C4orf54: variants seen among roughly 807,000 people sequenced by gnomAD.
The protein encoded by C4orf54 is uncharacterized protein C4orf54.
A neutral mutation model predicts 80.1 loss-of-function variants in C4orf54; 67 were observed. The ratio of observed to expected loss-of-function variants is 0.84; its 90% CI spans 0.69 to 1.03. The LOEUF is 1.03. Among genes scored for constraint, C4orf54 ranks in the 50% least tolerant of loss-of-function variants. C4orf54 has a pLI of 0.00. For synonymous variants in C4orf54, 1,000 were observed against 917.0 expected, an observed-to-expected ratio of 1.09 and a Z score of -1.64; for missense variants, 2,434 against 2,253.5, an observed-to-expected ratio of 1.08 and a Z score of -1.62.
chr4:99,643,839 A>G (rs1726653219), intron 2 of C4orf54, among the ~76,000 whole-genome samples: 1 of 150,110 alleles, frequency 6.7e-6, no homozygotes, highest in African/African-American at 2.4e-5. Flanking sequence ...TTTCCTCTGA[A>G]TGAAACAGAA....
rs1473799067 is a variant in C4orf54 at position 99,651,187 on chromosome 4, T to C, written c.3462A>G (p.Thr1154=). ...GSGSLSPMVI[T]CQAVVNQRED... ...CCCTCTGGTTCACTACAGCCTGGCA[T>C]GTAATCACCATGGGGGACAGGGATC... The change falls in exon 2 of 3, where the codon ACA becomes ACG. Residue 1154 remains threonine (T), a synonymous_variant. Transcript: ENST00000511828. 2.0e-6 allele frequency: 3 copies of C among 1,536,170 alleles called. No homozygotes were observed. The East Asian group carries it at 7.3e-5, about 38-fold the overall frequency.
In C4orf54 at chr4:99,640,681, T is replaced by A. The variant is rs1360468462; in HGVS notation, c.*552A>T. The A allele has an allele frequency of 6.6e-6, 1 of 152,110 alleles. No homozygotes were observed. The highest frequency in any genetic ancestry group is 1.5e-5 in the Non-Finnish European group (1 of 68,012). 9.4% of individuals were successfully genotyped at this position (152,110 alleles called of 1,614,324 possible). A position where few individuals can be genotyped will look rare whatever the true frequency, so the allele number is the denominator to read the frequency against. On this transcript the variant is annotated 3_prime_UTR_variant, in exon 3 of 3. Coordinates refer to ENST00000511828, the MANE Select transcript of C4orf54 (RefSeq NM_001354435.2). ...AACATATAGAGCATAACCAAGAGAATGGGTAGGTTTGGCTGATATATGATT... is the reference window on the plus strand; with the variant it reads ...AACATATAGAGCATAACCAAGAGAAAGGGTAGGTTTGGCTGATATATGATT...
At position 99,653,441 on chromosome 4, in the gene C4orf54, A is replaced by G. The variant is rs769907501; in HGVS notation, c.1208T>C (p.Phe403Ser). 1 of 1,536,156 alleles carries G rather than the reference A, an allele frequency of 6.5e-7. No individual in the cohort carries two copies. Among genetic ancestry groups the G allele is most frequent in the Non-Finnish European group, 8.7e-7 (1 of 1,146,900 alleles). ...GCCACCAAAGGAAGCATAATCCACGAACGAGTAGATCACGTTGTTGTCCTC... is the reference window on the plus strand; with the variant it reads ...GCCACCAAAGGAAGCATAATCCACGGACGAGTAGATCACGTTGTTGTCCTC... Reference protein sequence around the residue: ...DFEDNNVIYSFVDYASFGGSD... With the variant: ...DFEDNNVIYSSVDYASFGGSD... The change falls in exon 2 of 3, where the codon TTC becomes TCC. Residue 403 changes from phenylalanine (F) to serine (S), a missense_variant. By Grantham distance (155) the Phe-to-Ser change is radical. Coordinates refer to ENST00000511828, the MANE Select transcript of C4orf54 (RefSeq NM_001354435.2).
At chr4:99,643,792 A>ACCCCCCCCCC (rs10714195) in intron 2 of C4orf54, among the ~76,000 whole-genome samples, 1 of 98,862 alleles carries the variant, frequency 1.0e-5, no homozygotes, top group Non-Finnish European at 2.0e-5. Flanking sequence ...ACACACACAC[A>ACCCCCCCCCC]CCCCCTCCGC....
Position 99,650,900 on chromosome 4 carries a change from G to A in C4orf54, c.3749C>T (p.Ala1250Val), listed in dbSNP as rs867065180. 2.6e-6 allele frequency: 4 copies of A among 1,536,156 alleles called. No homozygotes were observed. Among genetic ancestry groups the A allele is most frequent in the Non-Finnish European group, 3.5e-6 (4 of 1,146,920 alleles). ...VKEEGKATKP[A>V]RNALEKLTAA... ...AGTCAGCTTCTCCAGGGCATTCCGG[G>A]CTGGCTTCGTGGCTTTCCCTTCCTC... Residue 1250 changes from alanine (A) to valine (V), a missense_variant, in exon 2 of 3, where the codon GCC becomes GTC. Coordinates refer to ENST00000511828, the MANE Select transcript of C4orf54 (RefSeq NM_001354435.2).
rs1167178179 is a variant in C4orf54 at position 99,652,951 on chromosome 4, C to A, written c.1698G>T (p.Ser566=). ...CTGCTGCAGCCGGGTTTTGCTTCAG[C>A]GAACTTGAATTGTGTTCAGCAGCTG... ...VSTAAEHNSS[S]LKQNPAAAVA... Residue 566 remains serine, a synonymous_variant, in exon 2 of 3, where the codon TCG becomes TCT. Transcript: ENST00000511828. 2.6e-6 allele frequency: 4 copies of A among 1,536,162 alleles called. No individual in the cohort carries two copies. Among genetic ancestry groups the A allele is most frequent in the South Asian group, 1.2e-5 (1 of 84,062 alleles).
Position 99,638,663 on chromosome 4 carries a change from A to C in C4orf54, c.*2570T>G, listed in dbSNP as rs1726551528. 1 of 152,154 alleles carries C rather than the reference A, an allele frequency of 6.6e-6. No homozygotes were observed. The highest frequency in any genetic ancestry group is 2.4e-5 in the African/African-American group (1 of 41,446). The allele number at this position is 152,154 out of a possible 1,614,324, so 9.4% of individuals were successfully genotyped here. ...TTGATTCCCCTTGAGCTATAAAAGGAAGGGTATATCACTTCATTCAAATAT... is the reference window on the plus strand; with the variant it reads ...TTGATTCCCCTTGAGCTATAAAAGGCAGGGTATATCACTTCATTCAAATAT... On this transcript the variant is annotated 3_prime_UTR_variant, in exon 3 of 3. Transcript: ENST00000511828.
intron 2 of C4orf54, among the ~76,000 whole-genome samples, chr4:99,644,715 T>C (rs1726669808): frequency 6.6e-6 from 1 of 150,720 alleles, no homozygotes. Context: ...CACCCAGTCC[T>C]ACCCTTTAAG....
At position 99,653,774 on chromosome 4, in the gene C4orf54, G is replaced by C. The variant is rs1280854125; in HGVS notation, c.875C>G (p.Ser292Cys). 1.1e-5 allele frequency: 17 copies of C among 1,536,022 alleles called. No homozygotes were observed. The South Asian group carries it at 2.0e-4, about 18-fold the overall frequency. The change falls in exon 2 of 3, where the codon TCC becomes TGC. Residue 292 changes from serine (S) to cysteine (C), a missense_variant. Transcript: ENST00000511828. ...GLSKMEDSTT[S>C]TGALATSSSS... The stretch of plus-strand genomic sequence containing the variant: ...AGAGGAGGTGGCCAGAGCCCCTGTG[G>C]ATGTGGTGGAGTCCTCCATTTTGGA...
rs543067016 is a variant in C4orf54, at chr4:99,637,478, T to C, written c.*3755A>G. ...ATTAGATTCAAGCTTAAGGCACCAATTAGCAAGTGCTACATGCTTTATTAA... is the reference window on the plus strand; with the variant it reads ...ATTAGATTCAAGCTTAAGGCACCAACTAGCAAGTGCTACATGCTTTATTAA... On this transcript the variant is annotated 3_prime_UTR_variant, in exon 3 of 3. Transcript: ENST00000511828. The C allele has an allele frequency of 2.0e-5, 3 of 152,294 alleles. No homozygotes were observed. In the South Asian group the frequency reaches 6.2e-4, roughly 32 times the overall value. The allele number at this position is 152,294 out of a possible 1,614,324, so 9.4% of individuals were successfully genotyped here.
rs772238363 is a variant in C4orf54, at chr4:99,650,530, G to A, written c.4119C>T (p.Pro1373=). The A allele has an allele frequency of 6.5e-7, 1 of 1,536,072 alleles. No homozygotes were observed. The change falls in exon 2 of 3, where the codon CCC becomes CCT. Residue 1373 remains proline (P), a synonymous_variant. Transcript: ENST00000511828. ...TTCTCTCTACATCCTTGTGGACTGG[G>A]GGAATATAGAGAGATCGGGGTCTTT... ...ARERPRSLYI[P]PVHKDVERTQ... is the part of the protein sequence containing the mutation.
At position 99,638,152 on chromosome 4, in the gene C4orf54, T is replaced by C. The variant is rs770051815; in HGVS notation, c.*3081A>G. ...AGGATGTATTAGAAATGCATGTCAATAGTTGAGATTTGTTATAAAGATATA... is the reference window on the plus strand; with the variant it reads ...AGGATGTATTAGAAATGCATGTCAACAGTTGAGATTTGTTATAAAGATATA... On this transcript the variant is annotated 3_prime_UTR_variant, in exon 3 of 3. Transcript: ENST00000511828. The C allele has an allele frequency of 2.6e-5, 4 of 152,106 alleles. No individual in the cohort carries two copies. The highest frequency in any genetic ancestry group is 5.9e-5 in the Non-Finnish European group (4 of 67,978). The allele number at this position is 152,106 out of a possible 1,614,324, so 9.4% of individuals were successfully genotyped here. A position where few individuals can be genotyped will look rare whatever the true frequency, so the allele number is the denominator to read the frequency against.
Position 99,652,262 on chromosome 4 carries a change from G to A in C4orf54, c.2387C>T (p.Pro796Leu). The A allele has an allele frequency of 6.5e-7, 1 of 1,535,894 alleles. No homozygotes were observed. The highest frequency in any genetic ancestry group is 8.7e-7 in the Non-Finnish European group (1 of 1,146,796). The change falls in exon 2 of 3, where the codon CCC (proline) becomes CTC (leucine). Residue 796 changes from proline (P) to leucine (L), a missense_variant. Transcript: ENST00000511828. ...DGSETSEGSK[P>L]TSRADGPQKS... ...CTGGGGGCCATCGGCGCGGGAGGTGGGCTTGCTGCCCTCGGAGGTCTCGGA... is the reference window on the plus strand; with the variant it reads ...CTGGGGGCCATCGGCGCGGGAGGTGAGCTTGCTGCCCTCGGAGGTCTCGGA...
Position 99,651,227 on chromosome 4 carries a change from G to A in C4orf54, c.3422C>T (p.Ala1141Val), listed in dbSNP as rs1298432111. Residue 1141 changes from alanine to valine, a missense_variant, in exon 2 of 3, where the codon GCA (alanine) becomes GTA (valine). Ala to Val is a moderately conservative substitution (Grantham distance 64, BLOSUM62 0). Transcript: ENST00000511828. ...GGACAGGGATCCAGATCCGCCAGCTGCTGCAGACAGCTGCCTGGGTTTGGG... is the reference window on the plus strand; with the variant it reads ...GGACAGGGATCCAGATCCGCCAGCTACTGCAGACAGCTGCCTGGGTTTGGG... ...TGPKPRQLSA[A>V]AGGSGSLSPM... The A allele has an allele frequency of 1.3e-6, 2 of 1,536,158 alleles. No homozygotes were observed. The highest frequency in any genetic ancestry group is 3.9e-5 in the Admixed American group (2 of 51,000).
rs865953940 is a variant in C4orf54 at position 99,650,562 on chromosome 4, C to A, written c.4087G>T (p.Ala1363Ser). 6.5e-7 allele frequency: 1 copy of A among 1,536,030 alleles called. No homozygotes were observed. Among genetic ancestry groups the A allele is most frequent in the Non-Finnish European group, 8.7e-7 (1 of 1,146,884 alleles). ...SARAAAFENLARERPRSLYIP... is the reference protein window; with the variant it reads ...SARAAAFENLSRERPRSLYIP... ...TAGAGAGATCGGGGTCTTTCCCTGG[C>A]CAGGTTCTCAAAGGCCGCTGCCCTG... Residue 1363 changes from alanine to serine, a missense_variant, in exon 2 of 3, where the codon GCC (alanine) becomes TCC (serine). Ala to Ser is a moderately conservative substitution (Grantham distance 99). Transcript: ENST00000511828.
chr4:99,652,794 C>T lies in C4orf54; in HGVS notation c.1855G>A (p.Ala619Thr), dbSNP rs578032906. Residue 619 changes from alanine to threonine, a missense_variant, in exon 2 of 3, where the codon GCG (alanine) becomes ACG (threonine). By Grantham distance (58) the Ala-to-Thr change is moderately conservative. Coordinates refer to ENST00000511828, the MANE Select transcript of C4orf54 (RefSeq NM_001354435.2). Reference sequence around the variant, plus strand: ...GTCAGGTTACGCACCTCTTTGTCCGCATCGTCCAGTTCGCTCACGGCACTG... The same window carrying T: ...GTCAGGTTACGCACCTCTTTGTCCGTATCGTCCAGTTCGCTCACGGCACTG... Reference protein sequence around the residue: ...ASSAVSELDDADKEVRNLTSR... With the variant: ...ASSAVSELDDTDKEVRNLTSR... The T allele has an allele frequency of 8.5e-5, 131 of 1,536,126 alleles. 1 individual carries two copies. The South Asian group carries it at 1.5e-3, about 17-fold the overall frequency.
At chr4:99,646,182 T>C (rs751773411) in intron 2 of C4orf54, among the ~76,000 whole-genome samples, 4 of 152,180 alleles carry the variant, frequency 2.6e-5, no homozygotes, top group Non-Finnish European at 5.9e-5. Context: ...TTATTTGAAC[T>C]GGAATGAATC....
At position 99,652,350 on chromosome 4, in the gene C4orf54, C is replaced by T. The variant is rs1315173820; in HGVS notation, c.2299G>A (p.Gly767Arg). The change falls in exon 2 of 3, where the codon GGG (glycine) becomes AGG (arginine). Residue 767 changes from glycine to arginine, a missense_variant. Gly to Arg is a moderately radical substitution (Grantham distance 125). Coordinates refer to ENST00000511828, the MANE Select transcript of C4orf54 (RefSeq NM_001354435.2). The stretch of plus-strand genomic sequence containing the variant: ...GGGCCTTTGGTGGCCCTGCCGGGCC[C>T]AGGGGCCGAGCTGGCTTTGCTCTCA... The part of the protein sequence containing the change: ...RSESKASSAP[G>R]PGRATKGPGK... 2.0e-6 allele frequency: 3 copies of T among 1,536,028 alleles called. No homozygotes were observed. Among genetic ancestry groups the T allele is most frequent in the East Asian group, 2.4e-5 (1 of 40,896 alleles).
Position 99,651,871 on chromosome 4 carries a change from CT to C in C4orf54, c.2777del (p.Lys926ArgfsTer36), listed in dbSNP as rs1372518862. On this transcript the variant is annotated frameshift_variant, in exon 2 of 3. Transcript: ENST00000511828. LOFTEE classifies it high-confidence loss of function. The stretch of plus-strand genomic sequence containing the variant: ...TGCCCTTGACGGTCTCTGAGGCACT[CT>C]TTTTAATTTCACACACTTCTGTGTG... ...DGHTEVCEIK[K>X]SASETVKGIF... The C allele has an allele frequency of 2.6e-6, 4 of 1,535,996 alleles. No homozygotes were observed. Among genetic ancestry groups the C allele is most frequent in the Admixed American group, 2.0e-5 (1 of 50,982 alleles).
Sources: gnomAD v4.1 joint callset for allele counts (sites outside exome capture counted in the v4.1 genomes callset) on GRCh38, gnomAD v4.1.1 for gene constraint, MANE v1.5 for transcripts, NCBI Gene and HGNC (gene_info 2026-07-23, HGNC 2026-07-21) for gene names.